AHR: variants seen among roughly 807,000 people sequenced by gnomAD.
AHR encodes aryl hydrocarbon receptor.
In AHR, 40 loss-of-function variants were observed where a neutral mutation model predicts 86.8. The ratio of observed to expected loss-of-function variants is 0.46; its 90% CI spans 0.36 to 0.60. AHR has a LOEUF of 0.60. Ranked by LOEUF, AHR falls within the 20% of genes least tolerant of loss-of-function variation. The pLI is 0.00. For synonymous variants in AHR, 398 were observed against 354.9 expected, an observed-to-expected ratio of 1.12 and a Z score of -1.37; for missense variants, 1,001 against 1,011.6, an observed-to-expected ratio of 0.99 and a Z score of 0.14.
intron 10 of AHR, among the ~76,000 whole-genome samples, chr7:17,340,549 AT>A (rs1026164596): frequency 1.2e-4 from 18 of 152,160 alleles, no homozygotes; most frequent in African/African-American, 4.1e-4. Flanking sequence ...AAAATAGATA[AT>A]TTGGTTTATT....
chr7:17,315,356 A>T (rs1584033050), intron 2 of AHR, among the ~76,000 whole-genome samples: 1 of 152,154 alleles, frequency 6.6e-6, no homozygotes, highest in East Asian at 1.9e-4. Flanking sequence ...GTTTGCTTTG[A>T]CAACTATTTT....
In AHR at chr7:17,343,495, A is replaced by G. The variant is rs1445867931; in HGVS notation, c.*431A>G. ...AAATACAAAGTTAGAGAACTAAACTAGTTTTTCCTATCATGTTAACCTCTG... is the reference window on the plus strand; with the variant it reads ...AAATACAAAGTTAGAGAACTAAACTGGTTTTTCCTATCATGTTAACCTCTG... On this transcript the variant is annotated 3_prime_UTR_variant, in exon 11 of 11. Coordinates refer to ENST00000242057, the MANE Select transcript of AHR (RefSeq NM_001621.5). 6.0e-6 allele frequency: 1 copy of G among 165,394 alleles called. No homozygotes were observed. Among genetic ancestry groups the G allele is most frequent in the Non-Finnish European group, 1.3e-5 (1 of 77,162 alleles). 10.2% of individuals were successfully genotyped at this position (165,394 alleles called of 1,614,324 possible).
At chr7:17,325,251 AT>A (rs748020120) in intron 3 of AHR, among the ~76,000 whole-genome samples, 1 of 152,284 alleles carries the variant, frequency 6.6e-6, no homozygotes, top group East Asian at 1.9e-4. Flanking sequence ...TCGTTTCTAG[AT>A]TTTTATTTCT....
At position 17,303,220 on chromosome 7, in the gene AHR, A is replaced by G. The variant is rs556248364; in HGVS notation, c.65+3891A>G. 3.9e-5 allele frequency among the ~76,000 whole-genome samples: 6 copies of G among 152,180 alleles called. No homozygotes were observed. The South Asian group carries it at 1.0e-3, about 26-fold the overall frequency. On this transcript the variant is annotated intron_variant, in intron 1 of 10. Transcript: ENST00000242057. ...TTTTCTTCATTTTTATAATAGTACTAAAGAAAGGTAGTATTATTTAAGTTT... is the reference window on the plus strand; with the variant it reads ...TTTTCTTCATTTTTATAATAGTACTGAAGAAAGGTAGTATTATTTAAGTTT...
intron 9 of AHR, among the ~76,000 whole-genome samples, chr7:17,338,197 T>A (rs1248972340): frequency 5.8e-5 from 8 of 137,740 alleles, no homozygotes; most frequent in African/African-American, 2.2e-4. Flanking sequence ...AGACTCCGTC[T>A]CAAAAAAAAA....
intron 1 of AHR, among the ~76,000 whole-genome samples, chr7:17,305,371 A>C (rs937337212): frequency 6.6e-6 from 1 of 152,158 alleles, no homozygotes; most frequent in Non-Finnish European, 1.5e-5. Context: ...TGGGGGAAGG[A>C]AATGAAGAAT....
At chr7:17,304,076 A>C (rs948754287) in intron 1 of AHR, among the ~76,000 whole-genome samples, 4 of 152,030 alleles carry the variant, frequency 2.6e-5, no homozygotes, top group African/African-American at 9.7e-5. Context: ...GTCATCTTTT[A>C]GTTTGTTCTT....
Position 17,330,894 on chromosome 7 carries a change from A to G in AHR, c.705+8A>G. On this transcript the variant is annotated splice_region_variant and intron_variant, in intron 6 of 10. Transcript: ENST00000242057. ...AATTCATCTGGTTTTCTGGTAAGGT[A>G]CAAAATTTTATGATACTGGCTTTTA... is the stretch of plus-strand genomic sequence containing the variant. 6.2e-7 allele frequency: 1 copy of G among 1,610,224 alleles called. No individual in the cohort carries two copies. Among genetic ancestry groups the G allele is most frequent in the Non-Finnish European group, 8.5e-7 (1 of 1,177,840 alleles).
Position 17,339,241 on chromosome 7 carries a change from T to C in AHR, c.1416T>C (p.Ala472=). Residue 472 remains alanine, a synonymous_variant, in exon 10 of 11, where the codon GCT becomes GCC. Coordinates refer to ENST00000242057, the MANE Select transcript of AHR (RefSeq NM_001621.5). ...QQDESIYLYP[A]SSTSSTAPFE... ...ATGAGTCTATTTATCTCTATCCTGC[T>C]TCAAGTACTTCAAGTACTGCACCTT... The C allele has an allele frequency of 6.2e-7, 1 of 1,614,176 alleles. No individual in the cohort carries two copies. Among genetic ancestry groups the C allele is most frequent in the Middle Eastern group, 1.6e-4 (1 of 6,062 alleles).
At chr7:17,310,837 A>G (rs886126250) in intron 2 of AHR, among the ~76,000 whole-genome samples, 4 of 152,112 alleles carry the variant, frequency 2.6e-5, no homozygotes, top group African/African-American at 9.7e-5. Flanking sequence ...CGCCTGGCCT[A>G]TTTCTAATAT....
rs150125891 is a variant in AHR, at chr7:17,339,013, A to G, written c.1188A>G (p.Arg396=). 564 of 1,613,974 alleles carry G rather than the reference A, an allele frequency of 3.5e-4. 3 individuals are homozygous for G. The African/African-American group carries it at 6.6e-3, about 19-fold the overall frequency. ...LTDEEGTEHL[R]KRNTKLPFMF... is the part of the protein sequence containing the mutation. ...ATGAGGAAGGAACAGAGCATTTACG[A>G]AAACGAAATACGAAGTTGCCTTTTA... Residue 396 remains arginine (R), a synonymous_variant, in exon 10 of 11, where the codon CGA becomes CGG. Coordinates refer to ENST00000242057, the MANE Select transcript of AHR (RefSeq NM_001621.5).
In AHR at chr7:17,304,621, C is replaced by G. The variant is rs78377358; in HGVS notation, c.65+5292C>G. Among the ~76,000 whole-genome samples the G allele has an allele frequency of 5.5e-3, 835 of 152,168 alleles. 9 individuals are homozygous for G. Among genetic ancestry groups the G allele is most frequent in the African/African-American group, 0.019 (797 of 41,536 alleles). ...CTGTATTTAAGACCCGATTTAGATG[C>G]CACATCTCCATGAACTCTTTTGCAG... On this transcript the variant is annotated intron_variant, in intron 1 of 10. Transcript: ENST00000242057.
intron 2 of AHR, among the ~76,000 whole-genome samples, chr7:17,322,012 A>C (rs1782179095): frequency 1.3e-5 from 2 of 151,958 alleles, no homozygotes; most frequent in African/African-American, 4.8e-5. Context: ...AACATCAGAA[A>C]TCCATCTCTC....
intron 1 of AHR, among the ~76,000 whole-genome samples, chr7:17,300,269 T>G (rs1468625789): frequency 6.6e-6 from 1 of 152,196 alleles, no homozygotes; most frequent in African/African-American, 2.4e-5. Flanking sequence ...TGTATTCATG[T>G]GTTTATTCCA....
intron 10 of AHR, among the ~76,000 whole-genome samples, chr7:17,342,185 T>G (rs992339489): frequency 6.6e-6 from 1 of 152,116 alleles, no homozygotes; most frequent in African/African-American, 2.4e-5. Flanking sequence ...GTCCACTAAC[T>G]AAAATATAAA....
chr7:17,321,362 T>A (rs567591343), intron 2 of AHR, among the ~76,000 whole-genome samples: 18 of 147,704 alleles, frequency 1.2e-4, no homozygotes, highest in South Asian at 6.4e-4. Context: ...TGCTTTAAAA[T>A]TTTTTTTTTT....
intron 2 of AHR, among the ~76,000 whole-genome samples, chr7:17,316,089 G>C (rs1026222523): frequency 2.0e-5 from 3 of 152,140 alleles, no homozygotes; most frequent in African/African-American, 7.2e-5. Context: ...TGATAGAGTT[G>C]ACTTAAGATA....
Position 17,340,223 on chromosome 7 carries a change from A to G in AHR, c.2398A>G (p.Asn800Asp). The G allele has an allele frequency of 1.2e-6, 2 of 1,606,874 alleles. No homozygotes were observed. The highest frequency in any genetic ancestry group is 2.7e-5 in the African/African-American group (2 of 74,838). Residue 800 changes from asparagine to aspartate, a missense_variant, in exon 10 of 11, where the codon AAC becomes GAC. Physicochemically the swap from Asn to Asp is conservative, Grantham distance 23. Transcript: ENST00000242057. ...PVLPGQQAFL[N>D]KFQNGVLNET... ...ACTGCCAGGCCAACAGGCATTTTTA[A>G]ACAAGGTAAGGGTGTTATCAAACTG... is the stretch of plus-strand genomic sequence containing the variant.
At chr7:17,315,821 T>C (rs919242143) in intron 2 of AHR, among the ~76,000 whole-genome samples, 1 of 152,046 alleles carries the variant, frequency 6.6e-6, no homozygotes, top group Non-Finnish European at 1.5e-5. Flanking sequence ...TATTTTTAAA[T>C]CTTGCTCTTA....
Sources: gnomAD v4.1 joint callset for allele counts (sites outside exome capture counted in the v4.1 genomes callset) on GRCh38, gnomAD v4.1.1 for gene constraint, MANE v1.5 for transcripts, NCBI Gene and HGNC (gene_info 2026-07-23, HGNC 2026-07-21) for gene names.